Variants in RBM45 observed in about 807,000 individuals in gnomAD.
RBM45 encodes RNA-binding protein 45.
RBM45 carries 39 observed loss-of-function variants against 58.5 expected under a neutral mutation model. The observed-to-expected ratio is 0.67, with a 90% confidence interval of 0.52 to 0.87. RBM45 has a LOEUF of 0.87. Among genes scored for constraint, RBM45 ranks in the 40% least tolerant of loss-of-function variants. The probability of loss-of-function intolerance (pLI) is 0.00; values close to 1 mark genes in which losing one functional copy is unlikely to be tolerated. For synonymous variants in RBM45, 193 were observed against 203.0 expected, an observed-to-expected ratio of 0.95 and a Z score of 0.42; for missense variants, 481 against 581.6, an observed-to-expected ratio of 0.83 and a Z score of 1.78.
At chr2:178,115,439 A>G (rs1442121963) in intron 1 of RBM45, among the ~76,000 whole-genome samples, 2 of 151,666 alleles carry the variant, frequency 1.3e-5, no homozygotes, top group African/African-American at 4.9e-5. Flanking sequence ...TTTACCATTT[A>G]TTACTGATAT....
At chr2:178,131,423 G>T (rs2088003465), downstream of RBM45, among the ~76,000 whole-genome samples, 1 of 152,110 alleles carries the variant, frequency 6.6e-6, no homozygotes, top group Non-Finnish European at 1.5e-5. Flanking sequence ...ATTTCCTACA[G>T]TTTTCCCCTA....
At chr2:178,118,335 A>G (rs2087804727) in intron 3 of RBM45, among the ~76,000 whole-genome samples, 154 bp downstream of exon 3, 1 of 152,196 alleles carries the variant, frequency 6.6e-6, no homozygotes. Flanking sequence ...GAAGAAAAAT[A>G]TTTTGGGGTT....
chr2:178,114,512 T>C (rs1011130804), intron 1 of RBM45, among the ~76,000 whole-genome samples: 2 of 152,274 alleles, frequency 1.3e-5, no homozygotes, highest in Non-Finnish European at 2.9e-5. Flanking sequence ...TACTATTTTC[T>C]TTGTCACATT....
At chr2:178,130,003 T>C (rs2087989658), downstream of RBM45, among the ~76,000 whole-genome samples, 1 of 152,174 alleles carries the variant, frequency 6.6e-6, no homozygotes, top group Non-Finnish European at 1.5e-5. Context: ...TTTTTTTTAG[T>C]TATACCAAAA....
chr2:178,121,176 G>T lies in RBM45; in HGVS notation c.674-4G>T. The stretch of plus-strand genomic sequence containing the variant: ...AAGATTTACTTTTTTTTATATTGTC[G>T]GAGAACAACAATCTGAATTTTCAAG... On this transcript the variant is annotated splice_polypyrimidine_tract_variant and splice_region_variant and intron_variant, in intron 4 of 9. Transcript: ENST00000286070. 3 of 1,451,920 alleles carry T rather than the reference G, an allele frequency of 2.1e-6. No homozygotes were observed. The highest frequency in any genetic ancestry group is 4.3e-5 in the Admixed American group (2 of 46,916). 89.9% of individuals were successfully genotyped at this position (1,451,920 alleles called of 1,614,324 possible).
Position 178,121,419 on chromosome 2 carries a change from C to T in RBM45, c.853+60C>T, listed in dbSNP as rs1052008885. 1.6e-4 allele frequency: 114 copies of T among 731,386 alleles called. 6 individuals carry two copies. Among genetic ancestry groups the T allele is most frequent in the South Asian group, 1.0e-3 (21 of 20,102 alleles). The allele number at this position is 731,386 out of a possible 1,614,324, so 45.3% of individuals were successfully genotyped here. ...ATGTATATATACACACACACACACA[C>T]ACACACACACACACACACACACACA... On this transcript the variant is annotated intron_variant, in intron 5 of 9. Coordinates refer to ENST00000286070, the MANE Select transcript of RBM45 (RefSeq NM_152945.4).
At chr2:178,116,145 G>C in intron 1 of RBM45, 117 bp from the exon 2 acceptor site, 5 of 1,261,672 alleles carry the variant, frequency 4.0e-6, no homozygotes, top group Non-Finnish European at 5.3e-6. Flanking sequence ...TTTTCTTTGA[G>C]ACCCTGTCTC....
chr2:178,123,856 G>A lies in RBM45; in HGVS notation c.1012G>A (p.Val338Ile). The A allele has an allele frequency of 6.2e-7, 1 of 1,613,954 alleles. No homozygotes were observed. Among genetic ancestry groups the A allele is most frequent in the Non-Finnish European group, 8.5e-7 (1 of 1,179,932 alleles). The change falls in exon 7 of 10, where the codon GTA (valine) becomes ATA (isoleucine). Residue 338 changes from valine to isoleucine, a missense_variant. Val to Ile is a conservative substitution (Grantham distance 29). Coordinates refer to ENST00000286070, the MANE Select transcript of RBM45 (RefSeq NM_152945.4). ...DLLRKMATQM[V>I]AAQLASMVWN... ...CCTTAGAAAAATGGCAACACAGATGGTAGCTGCACAGCTTGCATCAATGGT... is the reference window on the plus strand; with the variant it reads ...CCTTAGAAAAATGGCAACACAGATGATAGCTGCACAGCTTGCATCAATGGT...
intron 5 of RBM45, among the ~76,000 whole-genome samples, chr2:178,122,718 A>C (rs1044302126): frequency 6.6e-6 from 1 of 151,998 alleles, no homozygotes; most frequent in Admixed American, 6.6e-5. Flanking sequence ...TTATTAATAG[A>C]GGTGTCATCA....
At chr2:178,124,842 T>G (rs1055833162) in intron 8 of RBM45, among the ~76,000 whole-genome samples, 4 of 152,186 alleles carry the variant, frequency 2.6e-5, no homozygotes, top group Non-Finnish European at 5.9e-5. Flanking sequence ...CTAAGCATCT[T>G]CTGTTTTGTT....
At position 178,112,491 on chromosome 2, in the gene RBM45, T is replaced by C; in HGVS notation, c.-56T>C. On this transcript the variant is annotated 5_prime_UTR_variant, in exon 1 of 10. Transcript: ENST00000286070. Reference sequence around the variant, plus strand: ...AGGCTTGGGTGTGAGACAGCAGCGGTGGCAGACACCGCAGAAGCAAAGAGC... The same window carrying C: ...AGGCTTGGGTGTGAGACAGCAGCGGCGGCAGACACCGCAGAAGCAAAGAGC... 1 of 1,500,256 alleles carries C rather than the reference T, an allele frequency of 6.7e-7. No homozygotes were observed. The highest frequency in any genetic ancestry group is 9.1e-7 in the Non-Finnish European group (1 of 1,094,422). The allele number at this position is 1,500,256 out of a possible 1,614,324, so 92.9% of individuals were successfully genotyped here. A position where few individuals can be genotyped will look rare whatever the true frequency, so the allele number is the denominator to read the frequency against.
chr2:178,126,801 A>T (rs1370375362), intron 9 of RBM45, among the ~76,000 whole-genome samples: 1 of 152,164 alleles, frequency 6.6e-6, no homozygotes, highest in Non-Finnish European at 1.5e-5. Context: ...AAAACTCTTT[A>T]TTGTAAATTT....
intron 3 of RBM45, among the ~76,000 whole-genome samples, chr2:178,118,603 A>G (rs1467135121): frequency 6.6e-6 from 1 of 152,168 alleles, no homozygotes; most frequent in East Asian, 1.9e-4. Flanking sequence ...GGTAAGATTT[A>G]TAAGATGTGC....
intron 3 of RBM45, among the ~76,000 whole-genome samples, chr2:178,136,151 A>T (rs2088043083): frequency 2.0e-5 from 3 of 152,174 alleles, no homozygotes; most frequent in Admixed American, 2.0e-4. Context: ...TGTACTAAAA[A>T]TACAAAAAAT....
chr2:178,126,694 G>A (rs1031916952), intron 9 of RBM45, among the ~76,000 whole-genome samples: 3 of 152,026 alleles, frequency 2.0e-5, no homozygotes, highest in Admixed American at 1.3e-4. Flanking sequence ...GGTGTTTTCT[G>A]GACTTGTATT....
In RBM45 at chr2:178,112,628, A is replaced by G. The variant is rs1447463836; in HGVS notation, c.82A>G (p.Ile28Val). The change falls in exon 1 of 10, where the codon ATC becomes GTC. Residue 28 changes from isoleucine (I) to valine (V), a missense_variant. Ile to Val is a conservative substitution (Grantham distance 29). Transcript: ENST00000286070. ...DSLDEPPNSR[I>V]FLVISKYTPE... ...CCTGGACGAACCGCCCAACAGCCGCATCTTCCTTGTGATCAGCAAGTACAC... is the reference window on the plus strand; with the variant it reads ...CCTGGACGAACCGCCCAACAGCCGCGTCTTCCTTGTGATCAGCAAGTACAC... 6.2e-7 allele frequency: 1 copy of G among 1,614,140 alleles called. No individual in the cohort carries two copies. The highest frequency in any genetic ancestry group is 1.7e-5 in the Admixed American group (1 of 60,032).
intron 3 of RBM45, among the ~76,000 whole-genome samples, chr2:178,135,259 G>A (rs1012568938): frequency 2.6e-5 from 4 of 152,204 alleles, no homozygotes; most frequent in Non-Finnish European, 5.9e-5. Flanking sequence ...GCACTGGACA[G>A]GGGAGCTGCT....
downstream of RBM45, among the ~76,000 whole-genome samples, chr2:178,131,513 A>C (rs2088005013): frequency 6.6e-6 from 1 of 152,132 alleles, no homozygotes; most frequent in Non-Finnish European, 1.5e-5. Flanking sequence ...AGCCCTCCAC[A>C]TTCTCTGTTC....
intron 3 of RBM45, among the ~76,000 whole-genome samples, chr2:178,136,182 C>T (rs372454980): frequency 9.9e-4 from 151 of 152,218 alleles, no homozygotes; most frequent in Admixed American, 9.0e-3. Context: ...TGGTGGCGGG[C>T]GCCTGTAGTC....
Sources: allele counts gnomAD v4.1 joint callset (sites outside exome capture counted in the v4.1 genomes callset), GRCh38; gene constraint gnomAD v4.1.1; transcripts MANE v1.5; gene names NCBI Gene and HGNC (gene_info 2026-07-23, HGNC 2026-07-21).